The following DNAH2 variants were observed in gnomAD, a reference collection of about 807,000 sequenced individuals.
DNAH2 encodes the protein dynein axonemal heavy chain 2, also known as axonemal beta dynein heavy chain 2.
A neutral mutation model predicts 523.5 loss-of-function variants in DNAH2; 323 were observed. That is an observed-to-expected ratio of 0.62 (90% CI 0.56 to 0.68). The LOEUF (loss-of-function observed/expected upper bound fraction) is 0.68. Among genes scored for constraint, DNAH2 ranks in the 30% least tolerant of loss-of-function variants. The probability of loss-of-function intolerance (pLI) is 0.00; values close to 1 mark genes in which losing one functional copy is unlikely to be tolerated. For synonymous variants in DNAH2, 2,093 were observed against 2,177.4 expected, an observed-to-expected ratio of 0.96 and a Z score of 1.08; for missense variants, 4,907 against 5,701.5, an observed-to-expected ratio of 0.86 and a Z score of 4.49.
chr17:7,776,849 G>A lies in DNAH2; in HGVS notation c.5018G>A (p.Arg1673Gln), dbSNP rs143829848. The change falls in exon 32 of 86, where the codon CGG (arginine) becomes CAG (glutamine). Residue 1673 changes from arginine (R) to glutamine (Q), a missense_variant. By Grantham distance (43) the Arg-to-Gln change is conservative. Transcript: ENST00000572933. The part of the protein sequence containing the change: ...VTKCLLTAKE[R>Q]ADKKILKVMK... ...AAGTGCCTGCTGACAGCGAAGGAGC[G>A]GGCAGACAAGAAAATCCTCAAGGTC... 68 of 1,612,398 alleles carry A rather than the reference G, an allele frequency of 4.2e-5. No homozygotes were observed. Among genetic ancestry groups the A allele is most frequent in the South Asian group, 2.5e-4 (23 of 91,006 alleles).
intron 12 of DNAH2, among the ~76,000 whole-genome samples, chr17:7,755,388 G>A (rs1445517599): frequency 6.6e-6 from 1 of 151,526 alleles, no homozygotes; most frequent in Non-Finnish European, 1.5e-5. Context: ...GGGCTCGAGG[G>A]GAGGACAGTC....
intron 24 of DNAH2, among the ~76,000 whole-genome samples, chr17:7,769,002 G>A (rs1257088946): frequency 1.3e-5 from 2 of 152,160 alleles, no homozygotes; most frequent in South Asian, 2.1e-4. Flanking sequence ...AGTGCTCAGC[G>A]AACATGTGGC....
Position 7,766,479 on chromosome 17 carries a change from A to T in DNAH2, c.3673A>T (p.Lys1225Ter). The change falls in exon 22 of 86, where the codon AAG becomes TAG. Residue 1225 changes from lysine (K) to a stop codon, truncating the protein, a stop_gained and splice_region_variant. Transcript: ENST00000572933. LOFTEE classifies it high-confidence loss of function. ...PPSKDLQNLE[K>*]ELDALQQIWE... ...CTCCAAGGACCTTCAGAACCTGGAGAAGGTGGTGTGCTGAGCAAGGACCCT... is the reference window on the plus strand; with the variant it reads ...CTCCAAGGACCTTCAGAACCTGGAGTAGGTGGTGTGCTGAGCAAGGACCCT... 1.2e-6 allele frequency: 2 copies of T among 1,613,684 alleles called. No individual in the cohort carries two copies. The highest frequency in any genetic ancestry group is 1.7e-6 in the Non-Finnish European group (2 of 1,179,830).
chr17:7,822,171 A>G (rs2077874230), intron 73 of DNAH2, among the ~76,000 whole-genome samples: 1 of 152,020 alleles, frequency 6.6e-6, no homozygotes, highest in Admixed American at 6.5e-5. Context: ...GGGTCCCACC[A>G]TGTTGCCCAG....
intron 58 of DNAH2, 113 bp downstream of exon 58, chr17:7,802,130 C>A: frequency 1.4e-6 from 2 of 1,432,516 alleles, no homozygotes; most frequent in Non-Finnish European, 1.9e-6. Context: ...ACAGTTCTGC[C>A]CAGGAAGTTG....
At chr17:7,813,990 A>G (rs2077589245) in intron 63 of DNAH2, among the ~76,000 whole-genome samples, 1 of 152,234 alleles carries the variant, frequency 6.6e-6, no homozygotes, top group South Asian at 2.1e-4. Flanking sequence ...AGTGGTGAAC[A>G]AGTCTCTGAC....
chr17:7,783,297 G>A (rs990301079), intron 39 of DNAH2, among the ~76,000 whole-genome samples: 4 of 151,872 alleles, frequency 2.6e-5, no homozygotes, highest in African/African-American at 9.7e-5. Flanking sequence ...GGCTGGTCTC[G>A]AACTCCCGAC....
chr17:7,732,236 A>G (rs1460411662), intron 4 of DNAH2, among the ~76,000 whole-genome samples: 1 of 151,686 alleles, frequency 6.6e-6, no homozygotes, highest in Non-Finnish European at 1.5e-5. Context: ...GGAGTTTGAG[A>G]CCAGCCTGGC....
At chr17:7,794,660 G>C (rs1283307522) in intron 49 of DNAH2, among the ~76,000 whole-genome samples, 1 of 152,106 alleles carries the variant, frequency 6.6e-6, no homozygotes, top group Non-Finnish European at 1.5e-5. Flanking sequence ...GTCAGGATTA[G>C]AGCCAGGCCA....
intron 77 of DNAH2, among the ~76,000 whole-genome samples, chr17:7,827,113 A>G (rs1024678880): frequency 2.6e-5 from 4 of 152,038 alleles, no homozygotes; most frequent in Non-Finnish European, 2.9e-5. Flanking sequence ...ACATTCATTC[A>G]TGATGTTCTT....
chr17:7,825,066 A>G (rs1261046340), intron 77 of DNAH2, among the ~76,000 whole-genome samples: 3 of 152,188 alleles, frequency 2.0e-5, no homozygotes, highest in Non-Finnish European at 4.4e-5. Context: ...AGTATTCCAG[A>G]GCCAGAGTTT....
Position 7,740,792 on chromosome 17 carries a change from C to T in DNAH2, c.1507-18C>T, listed in dbSNP as rs2075290999. 1 of 1,595,000 alleles carries T rather than the reference C, an allele frequency of 6.3e-7. No individual in the cohort carries two copies. The highest frequency in any genetic ancestry group is 8.6e-7 in the Non-Finnish European group (1 of 1,164,370). On this transcript the variant is annotated intron_variant, in intron 10 of 85. Transcript: ENST00000572933. ...GCCTTCCCGGGCACGTCGCCAGCCTCTTCCTCTTCTTCCCTAGGCTATCAA... is the reference window on the plus strand; with the variant it reads ...GCCTTCCCGGGCACGTCGCCAGCCTTTTCCTCTTCTTCCCTAGGCTATCAA...
At chr17:7,765,693 C>A in intron 21 of DNAH2, 128 bp downstream of exon 21, 1 of 1,072,854 alleles carries the variant, frequency 9.3e-7, no homozygotes, top group Non-Finnish European at 1.3e-6. Context: ...GGGGGAAGAG[C>A]CTCCACTCAG....
Position 7,823,428 on chromosome 17 carries a change from C to T in DNAH2, c.11143-14C>T, listed in dbSNP as rs1384004435. 2 of 1,612,986 alleles carry T rather than the reference C, an allele frequency of 1.2e-6. No individual in the cohort carries two copies. Among genetic ancestry groups the T allele is most frequent in the Admixed American group, 3.3e-5 (2 of 59,892 alleles). ...CCCAAGTCAATCCCTTTCTTCCTCC[C>T]CTTCTCCCACCAGGTCTTGGATCGG... is the stretch of plus-strand genomic sequence containing the variant. On this transcript the variant is annotated splice_polypyrimidine_tract_variant and intron_variant, in intron 73 of 85. Transcript: ENST00000572933.
Position 7,757,218 on chromosome 17 carries a change from G to A in DNAH2, c.2032G>A (p.Val678Ile), listed in dbSNP as rs753205736. 7.4e-6 allele frequency: 12 copies of A among 1,613,982 alleles called. No individual in the cohort carries two copies. The highest frequency in any genetic ancestry group is 1.0e-5 in the Non-Finnish European group (12 of 1,180,008). The change falls in exon 13 of 86, where the codon GTT becomes ATT. Residue 678 changes from valine to isoleucine, a missense_variant. Val to Ile is a conservative substitution (Grantham distance 29, BLOSUM62 3). Transcript: ENST00000572933. ...CATTCTGCGTGAAAATCTGCTACTCGTTGCTAGAGACTACAATAGGTAGGG... is the reference window on the plus strand; with the variant it reads ...CATTCTGCGTGAAAATCTGCTACTCATTGCTAGAGACTACAATAGGTAGGG... ...LRILRENLLL[V>I]ARDYNRIIAM...
At position 7,817,881 on chromosome 17, in the gene DNAH2, G is replaced by GCC. The variant is rs148024366; in HGVS notation, c.10236+32_10236+33dup. On this transcript the variant is annotated intron_variant, in intron 67 of 85. Transcript: ENST00000572933. Reference sequence around the variant, plus strand: ...GGTGTGAGGCTGGGGGGTCAGGTTAGCCCCCCCCTTCCTGAGGCCCCACCT... The same window carrying GCC: ...GGTGTGAGGCTGGGGGGTCAGGTTAGCCCCCCCCCCTTCCTGAGGCCCCACCT... 12 of 1,612,514 alleles carry GCC rather than the reference G, an allele frequency of 7.4e-6. No homozygotes were observed. The African/African-American group carries it at 1.3e-4, about 18-fold the overall frequency.
Position 7,786,359 on chromosome 17 carries a change from G to C in DNAH2, c.6348+17G>C, listed in dbSNP as rs747545728. 6.2e-7 allele frequency: 1 copy of C among 1,606,062 alleles called. No homozygotes were observed. The highest frequency in any genetic ancestry group is 2.2e-5 in the East Asian group (1 of 44,798). On this transcript the variant is annotated intron_variant, in intron 40 of 85. Coordinates refer to ENST00000572933, the MANE Select transcript of DNAH2 (RefSeq NM_020877.5). This position sits in a 1 kb window ranked among gnomAD's most constrained non-coding sequence, Gnocchi z 7.5. ...ATTGTTAGAGTACGGGGCTGGGACA[G>C]TGGAGTCAGTGGGCAGAGACTTGAG...
rs1376795664 is a variant in DNAH2 at position 7,727,218 on chromosome 17, C to T, written c.325C>T (p.Pro109Ser). Residue 109 changes from proline to serine, a missense_variant, in exon 4 of 86, where the codon CCT becomes TCT. Physicochemically the swap from Pro to Ser is moderately conservative, Grantham distance 74. Transcript: ENST00000572933. Reference protein sequence around the residue: ...DAILEHFAQDPTESILTIFID... With the variant: ...DAILEHFAQDSTESILTIFID... ...CATTCTGGAACACTTTGCCCAGGAC[C>T]CTACAGAATCCATCCTCACCATCTT... 4.3e-6 allele frequency: 7 copies of T among 1,610,934 alleles called. No individual in the cohort carries two copies. The highest frequency in any genetic ancestry group is 5.9e-6 in the Non-Finnish European group (7 of 1,178,764).
At chr17:7,766,941 C>T (rs117323168) in intron 22 of DNAH2, among the ~76,000 whole-genome samples, 3,223 of 152,146 alleles carry the variant, frequency 0.021, 60 homozygotes, top group Non-Finnish European at 0.03. Flanking sequence ...TGAGCCACCA[C>T]GCCCTGCCAA....
Sources: allele counts gnomAD v4.1 joint callset (sites outside exome capture counted in the v4.1 genomes callset), GRCh38; gene constraint gnomAD v4.1.1; non-coding constraint Gnocchi (gnomAD v3.1); transcripts MANE v1.5; gene names NCBI Gene and HGNC (gene_info 2026-07-23, HGNC 2026-07-21).